CFAP54: variants seen among roughly 807,000 people sequenced by gnomAD.
CFAP54 encodes the protein cilia- and flagella-associated protein 54.
A neutral mutation model predicts 370.4 loss-of-function variants in CFAP54; 290 were observed. The ratio of observed to expected loss-of-function variants is 0.78; its 90% confidence interval spans 0.71 to 0.86. The LOEUF (loss-of-function observed/expected upper bound fraction) is 0.86. CFAP54 is among the 40% of genes least tolerant of loss of function. The pLI is 0.00. For missense variants in CFAP54, 3,399 were observed against 3,528.7 expected (o/e 0.96, Z 0.93); for synonymous variants, 1,206 against 1,236.5 (o/e 0.98, Z 0.52).
intron 48 of CFAP54, among the ~76,000 whole-genome samples, chr12:96,709,731 A>ATTATTATTATTG: frequency 6.7e-6 from 1 of 149,422 alleles, no homozygotes; most frequent in Non-Finnish European, 1.5e-5. Context: ...TATTATTATT[A>ATTATTATTATTG]TTGTTTTCGA....
At chr12:96,825,353 GT>G (rs1959079567) in intron 65 of CFAP54, among the ~76,000 whole-genome samples, 4 of 116,628 alleles carry the variant, frequency 3.4e-5, no homozygotes, top group Non-Finnish European at 6.5e-5. Context: ...TATGTAACAT[GT>G]TATATTATAT....
At chr12:96,817,204 G>C (rs1293984094) in intron 64 of CFAP54, among the ~76,000 whole-genome samples, 3 of 152,016 alleles carry the variant, frequency 2.0e-5, no homozygotes, top group Admixed American at 6.5e-5. Flanking sequence ...TTTTAGATGT[G>C]TGCCTTTTTT....
chr12:96,540,844 A>G lies in CFAP54; in HGVS notation c.1934A>G (p.Tyr645Cys). ...TQKISTNKWI[Y>C]LLWQINEVIH... ...TGTATTTTCTCTTTTTAGTGGATTTATCTTCTGTGGCAGATAAATGAAGTA... is the reference window on the plus strand; with the variant it reads ...TGTATTTTCTCTTTTTAGTGGATTTGTCTTCTGTGGCAGATAAATGAAGTA... The change falls in exon 14 of 68, where the codon TAT (tyrosine) becomes TGT (cysteine). Residue 645 changes from tyrosine (Y) to cysteine (C), a missense_variant. This residue lies in a region of CFAP54 where 2,796 missense variants were observed against 2,869.7 expected (regional missense o/e 0.97). Transcript: ENST00000524981. 6.9e-7 allele frequency: 1 copy of G among 1,449,210 alleles called. No individual in the cohort carries two copies. The highest frequency in any genetic ancestry group is 9.0e-7 in the Non-Finnish European group (1 of 1,108,396). The allele number at this position is 1,449,210 out of a possible 1,614,324, so 89.8% of individuals were successfully genotyped here.
At chr12:96,576,445 A>G (rs964577770) in intron 19 of CFAP54, 140 bp from the exon 20 acceptor site, 3 of 579,138 alleles carry the variant, frequency 5.2e-6, no homozygotes, top group Admixed American at 3.5e-5. Context: ...GTTGAAATAT[A>G]TATGTATATA....
chr12:96,727,883 A>C (rs1184515738), intron 50 of CFAP54, among the ~76,000 whole-genome samples: 73 of 148,992 alleles, frequency 4.9e-4, no homozygotes, highest in Non-Finnish European at 3.9e-4. Flanking sequence ...TGGTGACAAA[A>C]TCTCTCAGCA....
chr12:96,755,151 T>C (rs1958239366), intron 56 of CFAP54, among the ~76,000 whole-genome samples: 1 of 152,212 alleles, frequency 6.6e-6, no homozygotes. Context: ...GCTGACTTTT[T>C]AGGATTTATT....
At chr12:96,618,069 G>C (rs1277007262) in intron 26 of CFAP54, among the ~76,000 whole-genome samples, 3 of 151,944 alleles carry the variant, frequency 2.0e-5, no homozygotes, top group Non-Finnish European at 4.4e-5. Context: ...ATTTCCAGGG[G>C]AGGGGTGTCT....
At position 96,666,559 on chromosome 12, in the gene CFAP54, C is replaced by T. The variant is rs573567190; in HGVS notation, c.5563+2627C>T. The stretch of plus-strand genomic sequence containing the variant: ...AAGGCACATCTTACATGGCGGCAAG[C>T]TGGAGAGCATGTGCAGGGGAACTGC... On this transcript the variant is annotated intron_variant, in intron 39 of 67. Coordinates refer to ENST00000524981, the MANE Select transcript of CFAP54 (RefSeq NM_001306084.2). Among the ~76,000 whole-genome samples the T allele has an allele frequency of 8.5e-5, 13 of 152,326 alleles. No individual in the cohort carries two copies. In the South Asian group the frequency reaches 2.5e-3, roughly 29 times the overall value.
At chr12:96,614,453 C>G (rs1477343400) in intron 26 of CFAP54, among the ~76,000 whole-genome samples, 3 of 152,154 alleles carry the variant, frequency 2.0e-5, no homozygotes, top group Middle Eastern at 3.2e-3. Flanking sequence ...AAAACTGGCA[C>G]AAGACAGGGA....
chr12:96,603,491 G>A (rs932867631), intron 26 of CFAP54, among the ~76,000 whole-genome samples: 3 of 152,190 alleles, frequency 2.0e-5, no homozygotes, highest in Admixed American at 6.5e-5. Context: ...TCCTGAATTT[G>A]AATGTTGGAC....
intron 55 of CFAP54, among the ~76,000 whole-genome samples, chr12:96,751,064 AT>A (rs557730653): frequency 1.3e-5 from 2 of 152,212 alleles, no homozygotes; most frequent in Non-Finnish European, 1.5e-5. Context: ...GCATTTAGAG[AT>A]TTTTTTATAA....
chr12:96,572,658 G>A (rs897445202), intron 19 of CFAP54, among the ~76,000 whole-genome samples: 3 of 152,176 alleles, frequency 2.0e-5, no homozygotes, highest in Non-Finnish European at 4.4e-5. Context: ...AGAAAGGCAG[G>A]AGGGAAAAGG....
intron 22 of CFAP54, among the ~76,000 whole-genome samples, chr12:96,588,227 GTC>G (rs1309864259): frequency 6.6e-6 from 1 of 151,574 alleles, no homozygotes; most frequent in Non-Finnish European, 1.5e-5. Flanking sequence ...TGCCTCTCCA[GTC>G]TCTCTTAAAT....
chr12:96,660,187 T>C (rs7131786), intron 38 of CFAP54, among the ~76,000 whole-genome samples: 27,612 of 151,996 alleles, frequency 0.18, 2,612 homozygotes, highest in Middle Eastern at 0.22. Flanking sequence ...GAAAGAACAT[T>C]GTAGCCCAAG....
chr12:96,702,610 T>C (rs558377878), intron 46 of CFAP54, among the ~76,000 whole-genome samples: 1 of 152,326 alleles, frequency 6.6e-6, no homozygotes, highest in Non-Finnish European at 1.5e-5. Context: ...ATTCCAAACT[T>C]CATTTTTATC....
chr12:96,570,308 T>A (rs973524898), intron 19 of CFAP54, among the ~76,000 whole-genome samples: 5 of 147,262 alleles, frequency 3.4e-5, no homozygotes, highest in African/African-American at 1.2e-4. Flanking sequence ...AAGTCTTTTT[T>A]TCTTTTCTTT....
intron 26 of CFAP54, 50 bp downstream of exon 26, chr12:96,598,817 G>T (rs1174828187): frequency 4.5e-6 from 2 of 443,226 alleles, no homozygotes; most frequent in Non-Finnish European, 8.0e-6. Flanking sequence ...GAGCGATGAT[G>T]ATTTGGAAAG....
At chr12:96,811,712 A>T in intron 63 of CFAP54, 24 bp from the exon 64 acceptor site, 6 of 1,239,772 alleles carry the variant, frequency 4.8e-6, no homozygotes, top group South Asian at 1.4e-5. Context: ...GTCACATTTT[A>T]TACCCCTTTT....
chr12:96,804,904 A>G (rs1324737182), intron 63 of CFAP54, among the ~76,000 whole-genome samples: 2 of 152,158 alleles, frequency 1.3e-5, no homozygotes, highest in Non-Finnish European at 2.9e-5. Flanking sequence ...AGACACATAC[A>G]TCAATGAAAA....
Sources: allele counts gnomAD v4.1 joint callset (sites outside exome capture counted in the v4.1 genomes callset), GRCh38; gene constraint gnomAD v4.1.1; regional missense constraint gnomAD v4.1.1; transcripts MANE v1.5; gene names NCBI Gene and HGNC (gene_info 2026-07-23, HGNC 2026-07-21).